PLXDC1: variants seen among roughly 807,000 people sequenced by gnomAD.
PLXDC1 encodes the protein plexin domain containing 1, also known as plexin domain-containing protein 1.
A neutral mutation model predicts 61.3 loss-of-function variants in PLXDC1; 39 were observed. The observed-to-expected ratio is 0.64, with a 90% CI of 0.49 to 0.83. The LOEUF (loss-of-function observed/expected upper bound fraction) is 0.83, where lower values mean the gene tolerates loss of function less well. PLXDC1 is among the 40% of genes least tolerant of loss of function. The pLI, the probability that PLXDC1 is intolerant of heterozygous loss-of-function variation, is 0.00. For synonymous variants in PLXDC1, 212 were observed against 254.5 expected, an observed-to-expected ratio of 0.83 and a Z score of 1.59; for missense variants, 596 against 666.5, an observed-to-expected ratio of 0.89 and a Z score of 1.17.
At chr17:39,120,322 T>G (rs925540318) in intron 2 of PLXDC1, among the ~76,000 whole-genome samples, 1 of 151,796 alleles carries the variant, frequency 6.6e-6, no homozygotes. Flanking sequence ...CGGCTAAATT[T>G]TGTATTTTTA....
At chr17:39,076,341 T>C (rs1235026272) in intron 11 of PLXDC1, among the ~76,000 whole-genome samples, 2 of 151,440 alleles carry the variant, frequency 1.3e-5, no homozygotes, top group African/African-American at 4.9e-5. Flanking sequence ...AGACCTCATC[T>C]CTACAAAAAA....
intron 1 of PLXDC1, among the ~76,000 whole-genome samples, chr17:39,140,268 G>GTAAC (rs1459255308): frequency 2.0e-5 from 3 of 152,138 alleles, no homozygotes; most frequent in Non-Finnish European, 2.9e-5. Context: ...GAGATCTCTT[G>GTAAC]TAACTGGTCT....
chr17:39,097,732 A>G (rs1314540455), intron 7 of PLXDC1, among the ~76,000 whole-genome samples: 1 of 150,332 alleles, frequency 6.7e-6, no homozygotes, highest in Non-Finnish European at 1.5e-5. Flanking sequence ...AAATAAATAA[A>G]TAAATAAATA....
chr17:39,070,998 A>G (rs188556404), intron 12 of PLXDC1, among the ~76,000 whole-genome samples: 1 of 152,178 alleles, frequency 6.6e-6, no homozygotes, highest in East Asian at 1.9e-4. Context: ...AAACAACAAA[A>G]CTGGCAGGCC....
intron 7 of PLXDC1, among the ~76,000 whole-genome samples, chr17:39,100,602 G>A (rs1910387594): frequency 6.6e-6 from 1 of 152,208 alleles, no homozygotes; most frequent in Non-Finnish European, 1.5e-5. Context: ...TGAATGAGAG[G>A]TCCTGGCTGA....
intron 2 of PLXDC1, among the ~76,000 whole-genome samples, chr17:39,128,113 A>ATATATATATATATATATATATATG (rs1597655710): frequency 2.1e-5 from 2 of 95,720 alleles, no homozygotes; most frequent in Non-Finnish European, 4.2e-5. Context: ...ATATATATAT[A>ATATATATATATATATATATATATG]TGTATATATA....
intron 9 of PLXDC1, 49 bp downstream of exon 9, chr17:39,083,410 C>T: frequency 6.8e-7 from 1 of 1,465,352 alleles, no homozygotes; most frequent in Non-Finnish European, 9.5e-7. Context: ...CACCCTCTTC[C>T]CCTCCACAGT....
chr17:39,109,391 C>T lies in PLXDC1; in HGVS notation c.256G>A (p.Glu86Lys), dbSNP rs919429894. 1 of 1,582,954 alleles carries T rather than the reference C, an allele frequency of 6.3e-7. No individual in the cohort carries two copies. The highest frequency in any genetic ancestry group is 8.6e-7 in the Non-Finnish European group (1 of 1,164,958). The stretch of plus-strand genomic sequence containing the variant: ...GACACATAATAGCTGTGGTTGTCCT[C>T]CTGCCGGCACCCAAGATAAAGCCCA... ...TLPDNRTRVVEDNHSYYVSRL... is the reference protein window; with the variant it reads ...TLPDNRTRVVKDNHSYYVSRL... Residue 86 changes from glutamate (E) to lysine (K), a missense_variant and splice_region_variant, in exon 3 of 14, where the codon GAG becomes AAG. Coordinates refer to ENST00000315392, the MANE Select transcript of PLXDC1 (RefSeq NM_020405.5).
intron 12 of PLXDC1, 129 bp from the exon 13 acceptor site, chr17:39,070,145 C>T (rs1909059084): frequency 8.1e-6 from 5 of 618,740 alleles, no homozygotes; most frequent in South Asian, 7.2e-5. Flanking sequence ...TTATCCAATA[C>T]AGGAAGAGGT....
At chr17:39,085,825 G>A (rs1374940764) in intron 8 of PLXDC1, among the ~76,000 whole-genome samples, 2 of 152,114 alleles carry the variant, frequency 1.3e-5, no homozygotes, top group African/African-American at 4.8e-5. Flanking sequence ...TCAAATCACA[G>A]CCTTGATAGC....
At chr17:39,118,079 TCCC>T (rs1911038908) in intron 2 of PLXDC1, among the ~76,000 whole-genome samples, 2 of 50,608 alleles carry the variant, frequency 4.0e-5, no homozygotes, top group African/African-American at 1.6e-4. Context: ...CCTCCCTCCC[TCCC>T]TCCCTTCCTT....
Position 39,088,975 on chromosome 17 carries a change from G to GAGAA in PLXDC1, c.812-1274_812-1273insTTCT, listed in dbSNP as rs1206848973. The stretch of plus-strand genomic sequence containing the variant: ...AAAAAAAAAAAAAAAGAGAGAGAGA[G>GAGAA]AAAAAGAAAGAAAGAAAGAAAGAGA... On this transcript the variant is annotated intron_variant, in intron 7 of 13. Coordinates refer to ENST00000315392, the MANE Select transcript of PLXDC1 (RefSeq NM_020405.5). Among the ~76,000 whole-genome samples, 1,083 of 121,622 alleles carry GAGAA rather than the reference G, an allele frequency of 8.9e-3. 12 individuals are homozygous for GAGAA. Among genetic ancestry groups the GAGAA allele is most frequent in the African/African-American group, 0.031 (1,034 of 33,214 alleles). 79.8% of individuals were successfully genotyped at this position (121,622 alleles called of 152,430 possible). A position where few individuals can be genotyped will look rare whatever the true frequency, so the allele number is the denominator to read the frequency against.
At chr17:39,143,049 A>T (rs1348170325) in intron 1 of PLXDC1, among the ~76,000 whole-genome samples, 1 of 152,082 alleles carries the variant, frequency 6.6e-6, no homozygotes, top group Non-Finnish European at 1.5e-5. Context: ...GAGGCAGGAG[A>T]ATTGCTTGAA....
At chr17:39,146,318 G>A (rs754375959) in intron 1 of PLXDC1, among the ~76,000 whole-genome samples, 7 of 151,966 alleles carry the variant, frequency 4.6e-5, no homozygotes, top group African/African-American at 9.7e-5. Flanking sequence ...TGATGCTCCC[G>A]CCTTGGCCTC....
chr17:39,067,831 T>C lies in PLXDC1; in HGVS notation c.*9A>G. On this transcript the variant is annotated 3_prime_UTR_variant, in exon 14 of 14. Transcript: ENST00000315392. Reference sequence around the variant, plus strand: ...GCCTCAAAGTCTTCAAAGGGGAGACTTGGTGTTCTCAGCACTGCTCAGCCT... The same window carrying C: ...GCCTCAAAGTCTTCAAAGGGGAGACCTGGTGTTCTCAGCACTGCTCAGCCT... 6.2e-7 allele frequency: 1 copy of C among 1,608,374 alleles called. No individual in the cohort carries two copies. The highest frequency in any genetic ancestry group is 8.5e-7 in the Non-Finnish European group (1 of 1,176,398).
Position 39,063,777 on chromosome 17 carries a change from C to T in PLXDC1, c.*4063G>A, listed in dbSNP as rs1387469594. On this transcript the variant is annotated 3_prime_UTR_variant, in exon 14 of 14. Transcript: ENST00000315392. ...TAGGTTTTTGGAGACAGAGATTGGC[C>T]GCATCATATCTGTGACACTGACTCT... 23 of 393,850 alleles carry T rather than the reference C, an allele frequency of 5.8e-5. No homozygotes were observed. Among genetic ancestry groups the T allele is most frequent in the Non-Finnish European group, 1.1e-4 (23 of 216,650 alleles). 24.4% of individuals were successfully genotyped at this position (393,850 alleles called of 1,614,324 possible).
At chr17:39,124,206 T>C (rs545987012) in intron 2 of PLXDC1, among the ~76,000 whole-genome samples, 2 of 152,318 alleles carry the variant, frequency 1.3e-5, no homozygotes, top group South Asian at 2.1e-4. Context: ...TCCAAGGGGA[T>C]TTTTTGCAAA....
At chr17:39,121,222 C>T (rs560001792) in intron 2 of PLXDC1, among the ~76,000 whole-genome samples, 1 of 152,328 alleles carries the variant, frequency 6.6e-6, no homozygotes, top group Admixed American at 6.5e-5. Context: ...CACCTATGAC[C>T]TGTGAGCTCT....
chr17:39,070,564 G>A (rs1909077137), intron 12 of PLXDC1: 1 of 152,470 alleles, frequency 6.6e-6, no homozygotes, highest in Admixed American at 6.5e-5. Context: ...ACTTCAATAA[G>A]TATTAGCTAT....
Sources: allele counts gnomAD v4.1 joint callset (sites outside exome capture counted in the v4.1 genomes callset), GRCh38; gene constraint gnomAD v4.1.1; transcripts MANE v1.5; gene names NCBI Gene and HGNC (gene_info 2026-07-23, HGNC 2026-07-21).